CFTR: variants seen among roughly 807,000 people sequenced by gnomAD.
CFTR encodes the protein cystic fibrosis transmembrane conductance regulator.
CFTR carries 181 observed loss-of-function variants against 171.6 expected under a neutral mutation model. The ratio of observed to expected loss-of-function variants is 1.05; its 90% CI spans 0.93 to 1.19. The LOEUF is 1.19. Ranked by LOEUF, CFTR falls within the 50% of genes most tolerant of loss-of-function variation. The pLI is 0.00. For synonymous variants in CFTR, 583 were observed against 608.0 expected, an observed-to-expected ratio of 0.96 and a Z score of 0.60; for missense variants, 1,968 against 1,734.7, an observed-to-expected ratio of 1.13 and a Z score of -2.39.
intron 10 of CFTR, among the ~76,000 whole-genome samples, chr7:117,556,158 G>C (rs1405312329): frequency 6.6e-6 from 1 of 151,944 alleles, no homozygotes; most frequent in Admixed American, 6.6e-5. Flanking sequence ...TCTGCCTCCC[G>C]GGCTCAAGCA....
intron 22 of CFTR, among the ~76,000 whole-genome samples, chr7:117,629,208 C>G (rs1390569287): frequency 6.6e-6 from 1 of 152,170 alleles, no homozygotes; most frequent in Non-Finnish European, 1.5e-5. Flanking sequence ...TGTTCAGTAA[C>G]TATTCACTGC....
chr7:117,509,248 A>G, intron 3 of CFTR, 106 bp downstream of exon 3: 3 of 760,798 alleles, frequency 3.9e-6, no homozygotes, highest in Non-Finnish European at 6.9e-6. Context: ...AATATAAAGG[A>G]TGAATCCAAC....
chr7:117,520,526 A>G (rs537843654), intron 3 of CFTR, among the ~76,000 whole-genome samples: 34 of 151,942 alleles, frequency 2.2e-4, no homozygotes, highest in Non-Finnish European at 4.7e-4. Flanking sequence ...TTTGTCCATC[A>G]TTTATTGCAT....
chr7:117,506,308 G>A (rs1160993851), intron 2 of CFTR, among the ~76,000 whole-genome samples: 1 of 152,116 alleles, frequency 6.6e-6, no homozygotes, highest in African/African-American at 2.4e-5. Context: ...GTGTAATGGT[G>A]CAATTTTGGC....
chr7:117,616,955 T>A (rs1792500940), intron 21 of CFTR, among the ~76,000 whole-genome samples: 1 of 152,178 alleles, frequency 6.6e-6, no homozygotes, highest in Admixed American at 6.5e-5. Flanking sequence ...TTTTTTGTTT[T>A]CACCTCAGCA....
chr7:117,659,644 C>G lies in CFTR; in HGVS notation c.3964-5044C>G, dbSNP rs78274799. ...GGGCTATCTCAGGGTTGTCTGTAAT[C>G]TAAGTACAATGTCTGTTGATTTTGG... On this transcript the variant is annotated intron_variant, in intron 24 of 26. Transcript: ENST00000003084. Among the ~76,000 whole-genome samples the G allele has an allele frequency of 4.0e-4, 61 of 152,304 alleles. 2 individuals carry two copies. In the East Asian group the frequency reaches 0.012, roughly 29 times the overall value.
At chr7:117,539,464 G>A (rs1300054823) in intron 7 of CFTR, among the ~76,000 whole-genome samples, 1 of 151,340 alleles carries the variant, frequency 6.6e-6, no homozygotes, top group Non-Finnish European at 1.5e-5. Context: ...AACCTACTGA[G>A]ACTCATTCAG....
intron 3 of CFTR, among the ~76,000 whole-genome samples, chr7:117,521,657 A>G (rs556609451): frequency 6.6e-6 from 1 of 152,176 alleles, no homozygotes; most frequent in Non-Finnish European, 1.5e-5. Context: ...TAAAATGATA[A>G]TGGTGATTTT....
intron 21 of CFTR, among the ~76,000 whole-genome samples, chr7:117,619,857 A>G (rs1404097304): frequency 2.6e-5 from 4 of 152,028 alleles, no homozygotes; most frequent in Non-Finnish European, 5.9e-5. Flanking sequence ...TTTTCTGTCA[A>G]TACAAACTCC....
chr7:117,544,206 C>T (rs1031414357), intron 9 of CFTR, among the ~76,000 whole-genome samples: 2 of 152,056 alleles, frequency 1.3e-5, no homozygotes, highest in African/African-American at 4.8e-5. Context: ...CTTACTTTAT[C>T]AGTTTTGGAG....
chr7:117,575,957 GTTTAT>G (rs1017917442), intron 11 of CFTR, among the ~76,000 whole-genome samples: 50 of 151,852 alleles, frequency 3.3e-4, no homozygotes, highest in African/African-American at 1.0e-3. Context: ...TTTCTTTATG[GTTTAT>G]ATTTTTGTGT....
At chr7:117,628,237 A>G (rs1269572691) in intron 22 of CFTR, among the ~76,000 whole-genome samples, 1 of 151,948 alleles carries the variant, frequency 6.6e-6, no homozygotes, top group African/African-American at 2.4e-5. Context: ...GACATAGATT[A>G]TTTTTTCCCA....
chr7:117,506,287 C>T (rs1257063819), intron 2 of CFTR, among the ~76,000 whole-genome samples: 1 of 152,136 alleles, frequency 6.6e-6, no homozygotes, highest in Non-Finnish European at 1.5e-5. Flanking sequence ...TGCTCTGTTG[C>T]CCAGGCTGGA....
chr7:117,538,048 TC>T (rs1798986483), intron 7 of CFTR, among the ~76,000 whole-genome samples: 3 of 152,210 alleles, frequency 2.0e-5, no homozygotes, highest in African/African-American at 7.2e-5. Context: ...AAAGATGAAA[TC>T]TATCCCTCTT....
chr7:117,609,490 T>C (rs1792349970), intron 18 of CFTR, among the ~76,000 whole-genome samples: 1 of 152,184 alleles, frequency 6.6e-6, no homozygotes, highest in African/African-American at 2.4e-5. Context: ...TTTATTCAAA[T>C]GGATTATTGT....
At chr7:117,600,435 C>G (rs1237293559) in intron 15 of CFTR, among the ~76,000 whole-genome samples, 1 of 151,958 alleles carries the variant, frequency 6.6e-6, no homozygotes, top group Non-Finnish European at 1.5e-5. Flanking sequence ...TCTGAAGATC[C>G]TGTTTAATGC....
At position 117,667,131 on chromosome 7, in the gene CFTR, G is replaced by A; in HGVS notation, c.*23G>A. On this transcript the variant is annotated 3_prime_UTR_variant, in exon 27 of 27. Coordinates refer to ENST00000003084, the MANE Select transcript of CFTR (RefSeq NM_000492.4). ...TAGAGAGCAGCATAAATGTTGACAT[G>A]GGACATTTGCTCATGGAATTGGAGC... 1.2e-6 allele frequency: 2 copies of A among 1,601,484 alleles called. No homozygotes were observed. The highest frequency in any genetic ancestry group is 1.7e-5 in the Admixed American group (1 of 59,812).
intron 15 of CFTR, among the ~76,000 whole-genome samples, chr7:117,600,747 G>A (rs1792210493): frequency 1.3e-5 from 2 of 151,896 alleles, no homozygotes; most frequent in African/African-American, 4.8e-5. Context: ...TGAGAAAATG[G>A]AAAATAAAAA....
At chr7:117,546,560 T>C (rs1799151061) in intron 9 of CFTR, among the ~76,000 whole-genome samples, 1 of 152,188 alleles carries the variant, frequency 6.6e-6, no homozygotes, top group African/African-American at 2.4e-5. Context: ...TACAGGTGAT[T>C]TCTCTTTTCT....
Sources: allele counts gnomAD v4.1 joint callset (sites outside exome capture counted in the v4.1 genomes callset), GRCh38; gene constraint gnomAD v4.1.1; transcripts MANE v1.5; gene names NCBI Gene and HGNC (gene_info 2026-07-23, HGNC 2026-07-21).